ABCA6: variants seen among roughly 807,000 people sequenced by gnomAD.
ABCA6 encodes the protein ATP binding cassette subfamily A member 6.
In ABCA6, 164 loss-of-function variants were observed where a neutral mutation model predicts 191.2. That is an observed-to-expected ratio of 0.86 (90% CI 0.76 to 0.98). The LOEUF is 0.98. ABCA6 is among the 50% of genes least tolerant of loss of function. The probability of loss-of-function intolerance (pLI) is 0.00; values close to 1 mark genes in which losing one functional copy is unlikely to be tolerated. For synonymous variants in ABCA6, 636 were observed against 647.7 expected (o/e 0.98, Z 0.27); for missense variants, 1,958 against 1,894.1 (o/e 1.03, Z -0.63).
Position 69,083,293 on chromosome 17 carries a change from CCTCT to C in ABCA6, c.4390_4393del (p.Arg1464ValfsTer4). The C allele has an allele frequency of 6.2e-7, 1 of 1,605,622 alleles. No homozygotes were observed. The highest frequency in any genetic ancestry group is 1.1e-5 in the South Asian group (1 of 89,416). On this transcript the variant is annotated frameshift_variant, in exon 35 of 39. Coordinates refer to ENST00000284425, the MANE Select transcript of ABCA6 (RefSeq NM_080284.3). LOFTEE classifies it high-confidence loss of function. Reference sequence around the variant, plus strand: ...CAGGTTATGGGTGGTCAGGAGGACACCTCTCTCTGTGTTTTTAACGACTGCCTGG... The same window carrying C: ...CAGGTTATGGGTGGTCAGGAGGACACCTCTGTGTTTTTAACGACTGCCTGG...
In ABCA6 at chr17:69,115,499, C is replaced by T. The variant is rs148510983; in HGVS notation, c.1496-13G>A. On this transcript the variant is annotated splice_polypyrimidine_tract_variant and intron_variant, in intron 11 of 38. Coordinates refer to ENST00000284425, the MANE Select transcript of ABCA6 (RefSeq NM_080284.3). Reference sequence around the variant, plus strand: ...TCAAAGAGCAAGCCTATTTTTAGAACAAATTGTTAACAAATTATTAACAGT... The same window carrying T: ...TCAAAGAGCAAGCCTATTTTTAGAATAAATTGTTAACAAATTATTAACAGT... The T allele has an allele frequency of 5.8e-5, 93 of 1,593,494 alleles. No individual in the cohort carries two copies. In the African/African-American group the frequency reaches 1.1e-3, roughly 19 times the overall value.
At chr17:69,119,685 C>T (rs899447839) in intron 10 of ABCA6, among the ~76,000 whole-genome samples, 17 of 152,008 alleles carry the variant, frequency 1.1e-4, no homozygotes, top group African/African-American at 4.1e-4. Flanking sequence ...ATATCCTGCA[C>T]AAAGCTTAGT....
Position 69,136,083 on chromosome 17 carries a change from GA to G in ABCA6, c.460+8del. 2 of 1,607,630 alleles carry G rather than the reference GA, an allele frequency of 1.2e-6. No individual in the cohort carries two copies. ...AAATTCCATAATGATATTTGATATG[GA>G]AAGTCACCTGAGAAATCTTCTTTCC... On this transcript the variant is annotated splice_region_variant and intron_variant, in intron 4 of 38. Transcript: ENST00000284425.
intron 17 of ABCA6, 75 bp from the exon 18 acceptor site, chr17:69,107,887 TAA>T: frequency 2.3e-6 from 2 of 865,168 alleles, no homozygotes; most frequent in Non-Finnish European, 1.9e-6. Flanking sequence ...AATACTTATT[TAA>T]AAGACAATAC....
intron 9 of ABCA6, among the ~76,000 whole-genome samples, chr17:69,124,157 T>G (rs1427708714): frequency 3.9e-5 from 6 of 151,948 alleles, no homozygotes; most frequent in African/African-American, 1.2e-4. Context: ...TTAAATATAT[T>G]TTTCCAGTTT....
At chr17:69,135,881 T>C (rs7219200) in intron 4 of ABCA6, 371,217 of 540,712 alleles carry the variant, frequency 0.69, 129,790 homozygotes, top group African/African-American at 0.85. Flanking sequence ...TGCATCTGCA[T>C]GCTCAACACA....
chr17:69,132,393 G>A (rs1030170896), intron 6 of ABCA6, among the ~76,000 whole-genome samples: 3 of 152,140 alleles, frequency 2.0e-5, no homozygotes, highest in Admixed American at 6.6e-5. Context: ...GAAGCTTGGA[G>A]CTTGTATGAT....
At chr17:69,119,110 G>T (rs973902435) in intron 10 of ABCA6, among the ~76,000 whole-genome samples, 12 of 151,978 alleles carry the variant, frequency 7.9e-5, no homozygotes, top group Non-Finnish European at 1.5e-4. Context: ...AATTGATCTG[G>T]GGTGATGAGT....
Position 69,105,464 on chromosome 17 carries a change from G to A in ABCA6, c.2738C>T (p.Thr913Ile). The change falls in exon 20 of 39, where the codon ACA (threonine) becomes ATA (isoleucine). Residue 913 changes from threonine (T) to isoleucine (I), a missense_variant and splice_region_variant. Physicochemically the swap from Thr to Ile is moderately conservative, Grantham distance 89. Transcript: ENST00000284425. ...PRTSLLIINNTESNIEDFIKS... is the reference protein window; with the variant it reads ...PRTSLLIINNIESNIEDFIKS... ...TTAAATTTTATTTTTCTTTTCACCT[G>A]TGTTATTGATGATCAACAGGCTGGT... 1 of 1,601,994 alleles carries A rather than the reference G, an allele frequency of 6.2e-7. No individual in the cohort carries two copies. The highest frequency in any genetic ancestry group is 1.1e-5 in the South Asian group (1 of 88,046).
In ABCA6 at chr17:69,113,611, C is replaced by T; in HGVS notation, c.1902+7G>A. On this transcript the variant is annotated splice_region_variant and intron_variant, in intron 14 of 38. Coordinates refer to ENST00000284425, the MANE Select transcript of ABCA6 (RefSeq NM_080284.3). Reference sequence around the variant, plus strand: ...CTGCTTCCTTCCCCATGCATAATCTCACTTACTTGAGGATCTCCTAAAATG... The same window carrying T: ...CTGCTTCCTTCCCCATGCATAATCTTACTTACTTGAGGATCTCCTAAAATG... The T allele has an allele frequency of 6.2e-7, 1 of 1,612,840 alleles. No individual in the cohort carries two copies. The highest frequency in any genetic ancestry group is 1.7e-4 in the Middle Eastern group (1 of 6,042).
At chr17:69,084,796 A>G (rs902606688) in intron 32 of ABCA6, among the ~76,000 whole-genome samples, 4 of 152,084 alleles carry the variant, frequency 2.6e-5, no homozygotes, top group African/African-American at 4.8e-5. Flanking sequence ...ATGACGATTC[A>G]TGGTGATTCG....
intron 21 of ABCA6, among the ~76,000 whole-genome samples, chr17:69,101,228 G>A (rs1031341267): frequency 3.3e-5 from 5 of 152,038 alleles, no homozygotes; most frequent in African/African-American, 1.2e-4. Flanking sequence ...TCTCCATTTT[G>A]CTGATGGGGA....
chr17:69,112,416 T>C, intron 15 of ABCA6, 143 bp from the exon 16 acceptor site: 1 of 586,206 alleles, frequency 1.7e-6, no homozygotes, highest in Non-Finnish European at 3.0e-6. Flanking sequence ...CATTTTAACA[T>C]TTGAAATACA....
chr17:69,101,628 A>AG (rs905200538), intron 21 of ABCA6, among the ~76,000 whole-genome samples: 16 of 151,940 alleles, frequency 1.1e-4, no homozygotes, highest in Middle Eastern at 3.2e-3. Flanking sequence ...GCAGCAGCAA[A>AG]GGAATGCTGG....
intron 36 of ABCA6, among the ~76,000 whole-genome samples, chr17:69,082,552 G>A (rs969357994): frequency 6.6e-6 from 1 of 152,014 alleles, no homozygotes; most frequent in African/African-American, 2.4e-5. Flanking sequence ...CGTTTATGAG[G>A]AGGCCCAGGA....
At chr17:69,113,160 A>G in intron 15 of ABCA6, 62 bp downstream of exon 15, 1 of 1,547,118 alleles carries the variant, frequency 6.5e-7, no homozygotes, top group Non-Finnish European at 8.7e-7. Context: ...CCCTGGGAAT[A>G]GACCTCGCTT....
At chr17:69,114,622 G>T in intron 13 of ABCA6, 140 bp downstream of exon 13, 2 of 744,980 alleles carry the variant, frequency 2.7e-6, no homozygotes, top group Non-Finnish European at 4.2e-6. Context: ...ACTCATTAAA[G>T]CAGTCGATAT....
In ABCA6 at chr17:69,078,989, T is replaced by C; in HGVS notation, c.4838A>G (p.His1613Arg). 1 of 1,609,940 alleles carries C rather than the reference T, an allele frequency of 6.2e-7. No homozygotes were observed. The highest frequency in any genetic ancestry group is 1.1e-5 in the South Asian group (1 of 90,322). ...TTTGAGGTTTTAAGGTTCATCTGAA[T>C]GAGGGAGGAGTTTCCATCTCATTGT... ...DTTMRWKLLP[H>R]SDEP Residue 1613 changes from histidine to arginine, a missense_variant, in exon 39 of 39, where the codon CAT becomes CGT. His to Arg is a conservative substitution (Grantham distance 29). Transcript: ENST00000284425.
intron 9 of ABCA6, among the ~76,000 whole-genome samples, chr17:69,123,732 G>A (rs1451944670): frequency 6.6e-6 from 1 of 152,074 alleles, no homozygotes; most frequent in East Asian, 1.9e-4. Flanking sequence ...TTGGACTCCA[G>A]CTTTTCCCTG....
Sources: gnomAD v4.1 joint callset for allele counts (sites outside exome capture counted in the v4.1 genomes callset) on GRCh38, gnomAD v4.1.1 for gene constraint, MANE v1.5 for transcripts, NCBI Gene and HGNC (gene_info 2026-07-23, HGNC 2026-07-21) for gene names.